The following ANKRD30B variants were observed in gnomAD, a reference collection of about 807,000 sequenced individuals.
The protein encoded by ANKRD30B is ankyrin repeat domain-containing protein 30B.
Under a neutral mutation model 202.2 loss-of-function variants are expected in ANKRD30B, and 144 were observed. The ratio of observed to expected loss-of-function variants is 0.71; its 90% CI spans 0.62 to 0.82. ANKRD30B has a LOEUF of 0.82. Ranked by LOEUF, ANKRD30B falls within the 40% of genes least tolerant of loss-of-function variation. The pLI is 0.00. For missense variants in ANKRD30B, 1,487 were observed against 1,669.1 expected, an observed-to-expected ratio of 0.89 and a Z score of 1.90; for synonymous variants, 508 against 561.3, an observed-to-expected ratio of 0.91 and a Z score of 1.34.
chr18:14,879,688 G>A, the ANKRD30B span, among the ~76,000 whole-genome samples: 2 of 150,698 alleles, frequency 1.3e-5, no homozygotes, highest in African/African-American at 4.9e-5. Flanking sequence ...GGGATTAGGG[G>A]TTAGGGTGAG....
intron 34 of ANKRD30B, 136 bp downstream of exon 34, chr18:14,831,591 T>G (rs1205489366): frequency 1.9e-6 from 1 of 530,108 alleles, no homozygotes; most frequent in East Asian, 3.4e-5. Context: ...TAAAAACATT[T>G]TATAGAAATA....
At chr18:14,806,859 C>T (rs1378725482) in intron 24 of ANKRD30B, among the ~76,000 whole-genome samples, 1 of 150,390 alleles carries the variant, frequency 6.6e-6, no homozygotes, top group African/African-American at 2.5e-5. Flanking sequence ...CTAAAACAAG[C>T]AGATGAATTA....
the ANKRD30B span, among the ~76,000 whole-genome samples, chr18:14,916,609 T>C: frequency 2.7e-4 from 41 of 152,144 alleles, no homozygotes; most frequent in African/African-American, 9.2e-4. Context: ...ATGTGTGTGG[T>C]GGGTGGGGGA....
At chr18:14,901,940 T>C in the ANKRD30B span, among the ~76,000 whole-genome samples, 2 of 152,126 alleles carry the variant, frequency 1.3e-5, no homozygotes, top group Admixed American at 6.6e-5. Context: ...GATAAAGACA[T>C]ACCTGCAACT....
At chr18:14,821,169 C>T (rs1265139946) in intron 30 of ANKRD30B, among the ~76,000 whole-genome samples, 1 of 152,078 alleles carries the variant, frequency 6.6e-6, no homozygotes, top group African/African-American at 2.4e-5. Flanking sequence ...TTGTAGTATT[C>T]TCTGATGGTA....
the ANKRD30B span, among the ~76,000 whole-genome samples, chr18:14,906,618 T>TC: frequency 1.3e-5 from 2 of 151,858 alleles, no homozygotes; most frequent in African/African-American, 4.9e-5. Flanking sequence ...TACCACTTTC[T>TC]CTTTTTTTTG....
At chr18:14,823,530 A>T (rs1970538417) in intron 32 of ANKRD30B, among the ~76,000 whole-genome samples, 1 of 151,850 alleles carries the variant, frequency 6.6e-6, no homozygotes, top group Non-Finnish European at 1.5e-5. Flanking sequence ...AAAAATCATT[A>T]CTTGATGACT....
rs145905833 is a variant in ANKRD30B, at chr18:14,791,192, G to A, written c.1735-209G>A. Among the ~76,000 whole-genome samples the A allele has an allele frequency of 1.3e-3, 194 of 152,220 alleles. 1 individual carries two copies. The highest frequency in any genetic ancestry group is 4.2e-3 in the African/African-American group (173 of 41,546). On this transcript the variant is annotated intron_variant, in intron 15 of 43. Coordinates refer to ENST00000690538, the MANE Select transcript of ANKRD30B (RefSeq NM_001367607.2). Reference sequence around the variant, plus strand: ...GTTTATTTGTGTAGAGGTGTTTATAGTATTCTCTGATGGCAGTTTGTATTT... The same window carrying A: ...GTTTATTTGTGTAGAGGTGTTTATAATATTCTCTGATGGCAGTTTGTATTT...
At position 14,850,241 on chromosome 18, in the gene ANKRD30B, G is replaced by A. The variant is rs1311770871; in HGVS notation, c.3423G>A (p.Lys1141=). The A allele has an allele frequency of 6.4e-7, 1 of 1,570,858 alleles. No individual in the cohort carries two copies. The highest frequency in any genetic ancestry group is 2.0e-5 in the Admixed American group (1 of 49,908). The change falls in exon 41 of 44, where the codon AAG becomes AAA. Residue 1141 remains lysine (K), a synonymous_variant. Coordinates refer to ENST00000690538, the MANE Select transcript of ANKRD30B (RefSeq NM_001367607.2). ...TGACTTTAAATCAAGAAGAAGAGAA[G>A]AGAAGAAATGTCGATATATTAAAAG... The part of the protein sequence containing the change: ...VRLTLNQEEE[K]RRNVDILKEK...
Position 14,797,859 on chromosome 18 carries a change from A to G in ANKRD30B, c.2029+5A>G. On this transcript the variant is annotated splice_donor_5th_base_variant and intron_variant, in intron 20 of 43. Coordinates refer to ENST00000690538, the MANE Select transcript of ANKRD30B (RefSeq NM_001367607.2). Reference sequence around the variant, plus strand: ...ACAGAGAAACACTCAAAGCAGGTACATTTTGTAATTTAAATTTTAATCTGG... The same window carrying G: ...ACAGAGAAACACTCAAAGCAGGTACGTTTTGTAATTTAAATTTTAATCTGG... The G allele has an allele frequency of 6.5e-7, 1 of 1,541,010 alleles. No homozygotes were observed. The highest frequency in any genetic ancestry group is 8.7e-7 in the Non-Finnish European group (1 of 1,143,278).
chr18:14,784,571 G>A, intron 14 of ANKRD30B, 36 bp downstream of exon 14: 1 of 1,573,342 alleles, frequency 6.4e-7, no homozygotes, highest in South Asian at 1.1e-5. Flanking sequence ...AAGATGAATA[G>A]TTCAATATTG....
rs191794484 is a variant in ANKRD30B at position 14,748,217 on chromosome 18, C to T, written c.-203C>T. ...CAGCTAACGGCTCTGCTCAGAATTT[C>T]TCCCGACAGAGGCCGGAGTGTTCAA... On this transcript the variant is annotated 5_prime_UTR_variant, in exon 1 of 44. Transcript: ENST00000690538. The T allele has an allele frequency of 1.6e-3, 743 of 476,020 alleles. 4 individuals are homozygous for T. The highest frequency in any genetic ancestry group is 0.012 in the African/African-American group (636 of 50,910). The allele number at this position is 476,020 out of a possible 1,614,324, so 29.5% of individuals were successfully genotyped here. A position where few individuals can be genotyped will look rare whatever the true frequency, so the allele number is the denominator to read the frequency against.
At chr18:14,864,841 A>G in the ANKRD30B span, among the ~76,000 whole-genome samples, 2 of 150,694 alleles carry the variant, frequency 1.3e-5, no homozygotes, top group South Asian at 4.2e-4. Flanking sequence ...TCCATCTACC[A>G]AAAACATTTT....
At chr18:14,917,105 C>A in the ANKRD30B span, among the ~76,000 whole-genome samples, 16 of 152,224 alleles carry the variant, frequency 1.1e-4, no homozygotes, top group African/African-American at 3.9e-4. Context: ...ACTCTGTCCT[C>A]AGGCTTCAGC....
chr18:14,838,532 A>G (rs1215736022), intron 36 of ANKRD30B, among the ~76,000 whole-genome samples: 2 of 152,230 alleles, frequency 1.3e-5, no homozygotes, highest in East Asian at 3.8e-4. Context: ...TTTCACAAAT[A>G]GAACTCTTTG....
chr18:14,798,495 C>G (rs71364875), intron 20 of ANKRD30B, among the ~76,000 whole-genome samples: 19,285 of 152,104 alleles, frequency 0.13, 1,480 homozygotes, highest in East Asian at 0.27. Flanking sequence ...AAGCTGGTTA[C>G]AAACAATCCA....
the ANKRD30B span, among the ~76,000 whole-genome samples, chr18:14,887,472 T>C: frequency 6.6e-6 from 1 of 152,126 alleles, no homozygotes; most frequent in Non-Finnish European, 1.5e-5. Flanking sequence ...GTAATGATTT[T>C]ATTTATCTGA....
At chr18:14,844,545 T>C (rs569060362) in intron 39 of ANKRD30B, among the ~76,000 whole-genome samples, 50 of 152,300 alleles carry the variant, frequency 3.3e-4, no homozygotes, top group African/African-American at 1.2e-3. Flanking sequence ...AATAAACATA[T>C]GTGTGCGTGT....
the ANKRD30B span, among the ~76,000 whole-genome samples, chr18:14,934,226 A>G: frequency 7.9e-5 from 12 of 152,210 alleles, no homozygotes; most frequent in Non-Finnish European, 1.5e-4. Flanking sequence ...AAGGCAGGCA[A>G]TGTGTGCCAT....
Sources: allele counts gnomAD v4.1 joint callset (sites outside exome capture counted in the v4.1 genomes callset), GRCh38; gene constraint gnomAD v4.1.1; transcripts MANE v1.5; gene names NCBI Gene and HGNC (gene_info 2026-07-23, HGNC 2026-07-21).